ERC2: variants seen among roughly 807,000 people sequenced by gnomAD.
ERC2 encodes the protein ERC protein 2.
A neutral mutation model predicts 114.8 loss-of-function variants in ERC2; 42 were observed. The ratio of observed to expected loss-of-function variants is 0.37; its 90% CI spans 0.29 to 0.47. The LOEUF is 0.47. ERC2 is among the 20% of genes least tolerant of loss of function. The pLI is 0.99. For synonymous variants in ERC2, 454 were observed against 425.5 expected (o/e 1.07, Z -0.82); for missense variants, 939 against 1,150.7 (o/e 0.82, Z 2.66).
intron 3 of ERC2, among the ~76,000 whole-genome samples, chr3:56,229,316 A>G (rs991994102): frequency 6.6e-6 from 1 of 152,216 alleles, no homozygotes; most frequent in Non-Finnish European, 1.5e-5. Context: ...AGCACAGTGC[A>G]TTATACATAG....
At chr3:56,441,282 T>C (rs545717402) in intron 1 of ERC2, among the ~76,000 whole-genome samples, 57 of 152,306 alleles carry the variant, frequency 3.7e-4, no homozygotes, top group African/African-American at 1.3e-3. Context: ...AGACAAGCCA[T>C]GTTGGAGCTT....
chr3:55,786,950 A>C (rs2069550956), intron 14 of ERC2, among the ~76,000 whole-genome samples: 1 of 152,202 alleles, frequency 6.6e-6, no homozygotes, highest in Non-Finnish European at 1.5e-5. Context: ...CACAGGAAGA[A>C]CTATACTACT....
At chr3:55,665,716 G>A (rs190200219) in intron 17 of ERC2, among the ~76,000 whole-genome samples, 10 of 152,310 alleles carry the variant, frequency 6.6e-5, no homozygotes, top group African/African-American at 1.9e-4. Flanking sequence ...CCTTGTTATG[G>A]CAGCCCTAGA....
In ERC2 at chr3:55,856,780, C is replaced by T. The variant is rs978200216; in HGVS notation, c.2564+31609G>A. Among the ~76,000 whole-genome samples, 6 of 152,152 alleles carry T rather than the reference C, an allele frequency of 3.9e-5. No homozygotes were observed. The East Asian group carries it at 1.2e-3, about 29-fold the overall frequency. ...CGGAAAAAATCCAAATGCCCATCAG[C>T]TAGTGAATAAACAAAATGTGATATA... On this transcript the variant is annotated intron_variant, in intron 14 of 17. Transcript: ENST00000288221.
chr3:55,749,771 C>T (rs190576389), intron 14 of ERC2, among the ~76,000 whole-genome samples: 39 of 152,292 alleles, frequency 2.6e-4, no homozygotes, highest in Admixed American at 4.6e-4. Flanking sequence ...TCCCCTTCCA[C>T]GCTGTGGAAG....
intron 14 of ERC2, among the ~76,000 whole-genome samples, chr3:55,744,354 A>G (rs1203362450): frequency 1.3e-5 from 2 of 152,172 alleles, no homozygotes; most frequent in Non-Finnish European, 1.5e-5. Flanking sequence ...CAGTGAGAGG[A>G]GGTTGAGATC....
chr3:55,897,222 C>T (rs2063886009), intron 13 of ERC2, among the ~76,000 whole-genome samples: 1 of 152,152 alleles, frequency 6.6e-6, no homozygotes, highest in Admixed American at 6.5e-5. Context: ...TGCCAGGACC[C>T]CACTCCAGGT....
At chr3:56,188,372 A>G (rs970517213) in intron 3 of ERC2, among the ~76,000 whole-genome samples, 1 of 152,194 alleles carries the variant, frequency 6.6e-6, no homozygotes, top group Non-Finnish European at 1.5e-5. Flanking sequence ...TCACAGCTCC[A>G]GCCAGAGGGC....
chr3:55,667,095 C>T (rs930092241), intron 17 of ERC2, among the ~76,000 whole-genome samples: 1 of 152,054 alleles, frequency 6.6e-6, no homozygotes, highest in African/African-American at 2.4e-5. Context: ...GCTAAAATTC[C>T]TATGCTTGTG....
intron 6 of ERC2, among the ~76,000 whole-genome samples, chr3:56,096,822 T>C (rs751163813): frequency 1.6e-4 from 25 of 152,236 alleles, no homozygotes; most frequent in Non-Finnish European, 3.2e-4. Flanking sequence ...CTTCCCTCTA[T>C]GTATTCTTAT....
chr3:55,746,609 T>A (rs1247989903), intron 14 of ERC2, among the ~76,000 whole-genome samples: 1 of 151,840 alleles, frequency 6.6e-6, no homozygotes, highest in Non-Finnish European at 1.5e-5. Context: ...TTTGAGAGAG[T>A]TTTAATTCAT....
intron 2 of ERC2, among the ~76,000 whole-genome samples, chr3:56,331,938 A>C (rs952012256): frequency 4.6e-5 from 7 of 152,168 alleles, no homozygotes; most frequent in Non-Finnish European, 1.0e-4. Flanking sequence ...TCTAGCGACT[A>C]TACCACAAAA....
chr3:56,366,714 T>C (rs1481948309), intron 2 of ERC2, among the ~76,000 whole-genome samples: 1 of 152,234 alleles, frequency 6.6e-6, no homozygotes, highest in Admixed American at 6.5e-5. Context: ...TTGTTTGCCA[T>C]GAAGACAATC....
At chr3:56,248,847 G>A (rs2051907915) in intron 3 of ERC2, among the ~76,000 whole-genome samples, 2 of 152,172 alleles carry the variant, frequency 1.3e-5, no homozygotes, top group African/African-American at 4.8e-5. Context: ...ACACACAACT[G>A]TATGTATGCA....
chr3:56,454,652 C>A (rs944434799), intron 1 of ERC2, among the ~76,000 whole-genome samples: 1 of 152,056 alleles, frequency 6.6e-6, no homozygotes, highest in Non-Finnish European at 1.5e-5. Flanking sequence ...GAGTTCAAGA[C>A]CAGCATGGCC....
intron 3 of ERC2, among the ~76,000 whole-genome samples, chr3:56,246,093 TAAAA>T (rs34868223): frequency 0.011 from 1,411 of 127,620 alleles, 29 homozygotes; most frequent in African/African-American, 0.034. Flanking sequence ...TCAGATTCTT[TAAAA>T]AAAAAAAAAA....
chr3:55,750,832 C>A (rs1358507505), intron 14 of ERC2, among the ~76,000 whole-genome samples: 2 of 152,196 alleles, frequency 1.3e-5, no homozygotes, highest in Non-Finnish European at 2.9e-5. Flanking sequence ...TGCCCGCATG[C>A]ACACATGAGG....
chr3:55,797,393 G>T (rs929420417), intron 14 of ERC2, among the ~76,000 whole-genome samples: 3 of 152,202 alleles, frequency 2.0e-5, no homozygotes, highest in African/African-American at 7.2e-5. Context: ...TAACATGAAA[G>T]CCCTGATAAA....
chr3:56,213,525 A>C (rs1010432747), intron 3 of ERC2, among the ~76,000 whole-genome samples: 3 of 152,216 alleles, frequency 2.0e-5, no homozygotes, highest in African/African-American at 7.2e-5. Flanking sequence ...AGGAAGCTCG[A>C]ACTGGGTGGA....
Sources: allele counts gnomAD v4.1 joint callset (sites outside exome capture counted in the v4.1 genomes callset), GRCh38; gene constraint gnomAD v4.1.1; transcripts MANE v1.5; gene names NCBI Gene and HGNC (gene_info 2026-07-23, HGNC 2026-07-21).